The following DNHD1 variants were observed in gnomAD, a reference collection of about 807,000 sequenced individuals.
DNHD1 encodes dynein heavy chain domain 1.
A neutral mutation model predicts 458.1 loss-of-function variants in DNHD1; 383 were observed. That is an observed-to-expected ratio of 0.84 (90% CI 0.77 to 0.91). DNHD1 has a LOEUF of 0.91. Among genes scored for constraint, DNHD1 ranks in the 40% least tolerant of loss-of-function variants. DNHD1 has a pLI of 0.00. For missense variants in DNHD1, 5,336 were observed against 5,866.1 expected (o/e 0.91, Z 2.95); for synonymous variants, 2,203 against 2,376.9 (o/e 0.93, Z 2.13).
rs59300977 is a variant in DNHD1, at chr11:6,517,652, C to CTTTTTTTTTT, written c.1393-1923_1393-1914dup. Among the ~76,000 whole-genome samples the CTTTTTTTTTT allele has an allele frequency of 5.1e-5, 3 of 59,066 alleles. 1 individual carries two copies. Among genetic ancestry groups the CTTTTTTTTTT allele is most frequent in the South Asian group, 9.3e-4 (1 of 1,070 alleles). 38.7% of individuals were successfully genotyped at this position (59,066 alleles called of 152,430 possible). ...ACAAATACTGTATGATCTAGGACTTCTTTTTTTTTTTTTTTTTTTTTTTTT... is the reference window on the plus strand; with the variant it reads ...ACAAATACTGTATGATCTAGGACTTCTTTTTTTTTTTTTTTTTTTTTTTTTTTTTTTTTTT... On this transcript the variant is annotated intron_variant, in intron 7 of 42. Coordinates refer to ENST00000254579, the MANE Select transcript of DNHD1 (RefSeq NM_144666.3).
chr11:6,568,107 G>C lies in DNHD1; in HGVS notation c.12403G>C (p.Val4135Leu). 1 of 1,572,442 alleles carries C rather than the reference G, an allele frequency of 6.4e-7. No homozygotes were observed. The highest frequency in any genetic ancestry group is 8.6e-7 in the Non-Finnish European group (1 of 1,157,892). The change falls in exon 37 of 43, where the codon GTC becomes CTC. Residue 4135 changes from valine to leucine, a missense_variant. By Grantham distance (32) the Val-to-Leu change is conservative. Around this residue, in one of 4 missense-constraint regions of DNHD1, gnomAD observed 695 missense variants for 804.2 expected, o/e 0.86. Coordinates refer to ENST00000254579, the MANE Select transcript of DNHD1 (RefSeq NM_144666.3). ...IALGSEAWDP[V>L]SVVVSTLSQA... is the part of the protein sequence containing the mutation. ...CCTGGGCTCTGAAGCCTGGGACCCA[G>C]TCTCAGTTGTGGTCAGCACTCTATC...
rs758518205 is a variant in DNHD1 at position 6,534,024 on chromosome 11, G to T, written c.2849G>T (p.Gly950Val). ...GCAGCAGCATTGGCAGAGCTGGAAGGCCTGCTTGCGAAGGCCCTCTCCGGT... is the reference window on the plus strand; with the variant it reads ...GCAGCAGCATTGGCAGAGCTGGAAGTCCTGCTTGCGAAGGCCCTCTCCGGT... ...LMAAALAELE[G>V]LLAKALSGPF... The change falls in exon 14 of 43, where the codon GGC (glycine) becomes GTC (valine). Residue 950 changes from glycine to valine, a missense_variant. Gly to Val is a moderately radical substitution (Grantham distance 109, BLOSUM62 -3). Coordinates refer to ENST00000254579, the MANE Select transcript of DNHD1 (RefSeq NM_144666.3). The T allele has an allele frequency of 1.9e-5, 29 of 1,551,580 alleles. No individual in the cohort carries two copies. In the South Asian group the frequency reaches 2.7e-4, roughly 15 times the overall value.
intron 3 of DNHD1, 89 bp downstream of exon 3, chr11:6,499,050 C>A (rs868859404): frequency 9.2e-6 from 13 of 1,416,168 alleles, no homozygotes; most frequent in Middle Eastern, 2.0e-4. Context: ...AAGTTTAGAT[C>A]CAGCTCTCTG....
rs1290755376 is a variant in DNHD1, at chr11:6,509,266, T to A, written c.1229T>A (p.Ile410Asn). Residue 410 changes from isoleucine to asparagine, a missense_variant, in exon 6 of 43, where the codon ATT becomes AAT. By Grantham distance (149) the Ile-to-Asn change is moderately radical. Transcript: ENST00000254579. ...VPHFGAGLLHISRLLQELHSV... is the reference protein window; with the variant it reads ...VPHFGAGLLHNSRLLQELHSV... ...CACTTTGGAGCTGGGCTACTCCATA[T>A]TAGCAGGTGAGGTATTAAAAACACA... 1.2e-6 allele frequency: 2 copies of A among 1,611,812 alleles called. No homozygotes were observed. Among genetic ancestry groups the A allele is most frequent in the African/African-American group, 2.7e-5 (2 of 74,788 alleles).
chr11:6,538,264 C>A, intron 14 of DNHD1, 119 bp from the exon 15 acceptor site: 1 of 811,518 alleles, frequency 1.2e-6, no homozygotes, highest in Non-Finnish European at 2.0e-6. Context: ...CCTCCCCCAC[C>A]CCCAACCATC....
Position 6,566,305 on chromosome 11 carries a change from G to C in DNHD1, c.11118G>C (p.Leu3706=), listed in dbSNP as rs371635933. 7 of 1,551,882 alleles carry C rather than the reference G, an allele frequency of 4.5e-6. No homozygotes were observed. Among genetic ancestry groups the C allele is most frequent in the Admixed American group, 2.0e-5 (1 of 51,022 alleles). ...GLGCEELQWL[L]QREQLSPPQV... is the part of the protein sequence containing the mutation. The stretch of plus-strand genomic sequence containing the variant: ...GGTGCGAAGAACTGCAATGGCTGCT[G>C]CAACGGGAGCAGCTGAGTCCACCCC... Residue 3706 remains leucine, a synonymous_variant, in exon 34 of 43, where the codon CTG becomes CTC. Transcript: ENST00000254579.
At position 6,546,321 on chromosome 11, in the gene DNHD1, C is replaced by T. The variant is rs1337678477; in HGVS notation, c.5382C>T (p.His1794=). 26 of 1,552,282 alleles carry T rather than the reference C, an allele frequency of 1.7e-5. No homozygotes were observed. Among genetic ancestry groups the T allele is most frequent in the African/African-American group, 2.7e-5 (2 of 73,062 alleles). Residue 1794 remains histidine, a synonymous_variant, in exon 21 of 43, where the codon CAC becomes CAT. Coordinates refer to ENST00000254579, the MANE Select transcript of DNHD1 (RefSeq NM_144666.3). ...GCAGTAGCTTCTTTGAAAAACATCA[C>T]GTGTCTGTGCGCCTTGGCTATGGCT... is the stretch of plus-strand genomic sequence containing the variant. ...LLGSSFFEKH[H]VSVRLGYGCL...
intron 10 of DNHD1, among the ~76,000 whole-genome samples, chr11:6,527,709 G>C (rs1012233121): frequency 6.6e-6 from 1 of 152,368 alleles, no homozygotes; most frequent in Non-Finnish European, 1.5e-5. Context: ...TTCCTAGAGA[G>C]TGAGTACAGT....
intron 10 of DNHD1, among the ~76,000 whole-genome samples, chr11:6,527,862 A>G (rs1442863878): frequency 6.6e-6 from 1 of 152,224 alleles, no homozygotes; most frequent in Non-Finnish European, 1.5e-5. Flanking sequence ...ACCAGTTCCT[A>G]AAGAGTTAAT....
intron 24 of DNHD1, among the ~76,000 whole-genome samples, chr11:6,552,740 G>A (rs528252472): frequency 2.0e-5 from 3 of 152,092 alleles, no homozygotes; most frequent in Admixed American, 1.3e-4. Context: ...AGCCGGCCCC[G>A]TGATCCACTC....
chr11:6,541,804 C>G (rs1853102573), intron 18 of DNHD1, among the ~76,000 whole-genome samples: 1 of 152,068 alleles, frequency 6.6e-6, no homozygotes, highest in Non-Finnish European at 1.5e-5. Context: ...ATTGAAAGAT[C>G]AGTTAAGGGA....
intron 24 of DNHD1, among the ~76,000 whole-genome samples, chr11:6,556,302 T>G (rs566030471): frequency 3.0e-4 from 46 of 152,150 alleles, no homozygotes; most frequent in Non-Finnish European, 6.5e-4. Flanking sequence ...TAAGTGCACA[T>G]GTGATATAAC....
rs1162111588 is a variant in DNHD1 at position 6,545,226 on chromosome 11, G to A, written c.4287G>A (p.Gly1429=). The part of the protein sequence containing the change: ...VEALAVLGAG[G]EEVKLQGPLP... Reference sequence around the variant, plus strand: ...CACTTGCAGTGCTAGGGGCAGGTGGGGAGGAGGTGAAGCTGCAGGGTCCCC... The same window carrying A: ...CACTTGCAGTGCTAGGGGCAGGTGGAGAGGAGGTGAAGCTGCAGGGTCCCC... Residue 1429 remains glycine, a synonymous_variant, in exon 21 of 43, where the codon GGG becomes GGA. Coordinates refer to ENST00000254579, the MANE Select transcript of DNHD1 (RefSeq NM_144666.3). The surrounding 1 kb of genome is among the most constrained non-coding windows in gnomAD (Gnocchi z 4.9). 14 of 1,551,728 alleles carry A rather than the reference G, an allele frequency of 9.0e-6. No homozygotes were observed. The highest frequency in any genetic ancestry group is 2.4e-5 in the East Asian group (1 of 40,928).
chr11:6,499,757 G>A (rs770735077), intron 3 of DNHD1, among the ~76,000 whole-genome samples: 22 of 151,610 alleles, frequency 1.5e-4, no homozygotes, highest in Non-Finnish European at 3.1e-4. Flanking sequence ...TAGTAGAGAC[G>A]GAGTTTCACT....
chr11:6,520,688 A>G, intron 10 of DNHD1: 1 of 1,038,780 alleles, frequency 9.6e-7, no homozygotes, highest in Non-Finnish European at 1.2e-6. Context: ...TTTATGTCAT[A>G]TAGCTCTTTT....
In DNHD1 at chr11:6,548,737, T is replaced by C; in HGVS notation, c.7191T>C (p.Phe2397=). ...AGGCAGCAACAGGGAAGTCAGCCTT[T>C]GTGGAGGTGCTGGTAGAGCCACATC... ...AGEAATGKSA[F]VEVLVEPHHP... is the part of the protein sequence containing the mutation. The change falls in exon 24 of 43, where the codon TTT becomes TTC. Residue 2397 remains phenylalanine, a synonymous_variant. Transcript: ENST00000254579. The surrounding 1 kb of genome is among the most constrained non-coding windows in gnomAD (Gnocchi z 4.4). The C allele has an allele frequency of 6.4e-7, 1 of 1,551,648 alleles. No homozygotes were observed. The highest frequency in any genetic ancestry group is 1.4e-5 in the African/African-American group (1 of 73,146).
At chr11:6,501,358 A>G (rs1852132500) in intron 3 of DNHD1, among the ~76,000 whole-genome samples, 1 of 151,556 alleles carries the variant, frequency 6.6e-6, no homozygotes, top group African/African-American at 2.4e-5. Context: ...GTGCTTGAGA[A>G]GTAGGTGCTC....
In DNHD1 at chr11:6,538,514, C is replaced by T. The variant is rs1176627702; in HGVS notation, c.3126+4C>T. 1.3e-6 allele frequency: 2 copies of T among 1,551,786 alleles called. No individual in the cohort carries two copies. The highest frequency in any genetic ancestry group is 1.2e-5 in the South Asian group (1 of 84,062). ...GAAGTGCATGGCTTTTGCCAAGGTG[C>T]TGACACCCTTCCTTGGAGCTCTTGA... On this transcript the variant is annotated splice_donor_region_variant and intron_variant, in intron 15 of 42. Transcript: ENST00000254579.
Position 6,564,733 on chromosome 11 carries a change from CCCT to C in DNHD1, c.10687_10689del (p.Leu3563del), listed in dbSNP as rs1379186275. On this transcript the variant is annotated inframe_deletion, in exon 32 of 43. Coordinates refer to ENST00000254579, the MANE Select transcript of DNHD1 (RefSeq NM_144666.3). ...CTGCTGCTTGACCCCAGCAACGAGG[CCCT>C]CATCTGGTTGGACCCGCTGCCTCTG... The C allele has an allele frequency of 2.5e-5, 38 of 1,549,192 alleles. No homozygotes were observed. The highest frequency in any genetic ancestry group is 3.0e-5 in the Non-Finnish European group (34 of 1,145,152).
Sources: gnomAD v4.1 joint callset for allele counts (sites outside exome capture counted in the v4.1 genomes callset) on GRCh38, gnomAD v4.1.1 for gene constraint, gnomAD v4.1.1 regional missense constraint, Gnocchi (gnomAD v3.1) non-coding constraint, MANE v1.5 for transcripts, NCBI Gene and HGNC (gene_info 2026-07-23, HGNC 2026-07-21) for gene names.